The following MBNL2 variants were observed in gnomAD, a reference collection of about 807,000 sequenced individuals.
The protein encoded by MBNL2 is muscleblind like splicing regulator 2.
A neutral mutation model predicts 41.9 loss-of-function variants in MBNL2; 17 were observed. The ratio of observed to expected loss-of-function variants is 0.41; its 90% confidence interval spans 0.28 to 0.61. The LOEUF (loss-of-function observed/expected upper bound fraction) is 0.61, where lower values mean the gene tolerates loss of function less well. Ranked by LOEUF, MBNL2 falls within the 20% of genes least tolerant of loss-of-function variation. The pLI is 0.35. For synonymous variants in MBNL2, 195 were observed against 182.9 expected (o/e 1.07, Z -0.53); for missense variants, 336 against 505.6 (o/e 0.66, Z 3.22).
At chr13:97,224,227 C>T (rs956880771) in intron 1 of MBNL2, among the ~76,000 whole-genome samples, 3 of 152,098 alleles carry the variant, frequency 2.0e-5, no homozygotes, top group African/African-American at 2.4e-5. Context: ...CCCAGTTGCT[C>T]CAGAGCCACT....
At chr13:97,210,614 A>T in the MBNL2 span, among the ~76,000 whole-genome samples, 1 of 91,774 alleles carries the variant, frequency 1.1e-5, no homozygotes, top group Non-Finnish European at 1.9e-5. Flanking sequence ...TTTTTTTGAG[A>T]CAGAATCTCA....
the MBNL2 span, among the ~76,000 whole-genome samples, chr13:97,156,714 G>A: frequency 1.2e-3 from 167 of 144,544 alleles, 1 homozygote; most frequent in Non-Finnish European, 8.2e-4. Context: ...GTAGATATGC[G>A]GCGTTATTTC....
At chr13:97,300,538 G>T (rs2057512360) in intron 2 of MBNL2, among the ~76,000 whole-genome samples, 1 of 152,164 alleles carries the variant, frequency 6.6e-6, no homozygotes, top group African/African-American at 2.4e-5. Context: ...TGGCTCTGCT[G>T]ATCTGACAGG....
intron 2 of MBNL2, among the ~76,000 whole-genome samples, chr13:97,291,910 AAAAAAAAG>A (rs960838275): frequency 8.0e-6 from 1 of 124,974 alleles, no homozygotes; most frequent in Non-Finnish European, 1.7e-5. Flanking sequence ...CAAAAAAAAA[AAAAAAAAG>A]TGGGCTGGGT....
intron 7 of MBNL2, among the ~76,000 whole-genome samples, chr13:97,364,577 CTGT>C (rs1301477237): frequency 6.6e-6 from 1 of 152,230 alleles, no homozygotes; most frequent in Non-Finnish European, 1.5e-5. Context: ...ATCTTAAACA[CTGT>C]TATTTTCATA....
At chr13:97,272,146 T>C (rs1817532448) in intron 1 of MBNL2, among the ~76,000 whole-genome samples, 1 of 152,204 alleles carries the variant, frequency 6.6e-6, no homozygotes, top group Non-Finnish European at 1.5e-5. Flanking sequence ...TATCTCATTG[T>C]GGTTTTGATT....
the MBNL2 span, among the ~76,000 whole-genome samples, chr13:97,142,745 A>G: frequency 1.3e-5 from 2 of 152,228 alleles, no homozygotes; most frequent in South Asian, 4.1e-4. Context: ...ACCCTACCCA[A>G]GGAATTGTAA....
At chr13:97,275,378 G>T (rs556121881) in intron 1 of MBNL2, among the ~76,000 whole-genome samples, 2 of 152,270 alleles carry the variant, frequency 1.3e-5, no homozygotes, top group East Asian at 3.9e-4. Context: ...GTTTCAGAAG[G>T]CCTAATTATT....
intron 1 of MBNL2, among the ~76,000 whole-genome samples, chr13:97,224,936 G>GTAGT (rs1461247617): frequency 2.0e-5 from 3 of 152,224 alleles, no homozygotes; most frequent in Non-Finnish European, 4.4e-5. Flanking sequence ...CACAGGCCTT[G>GTAGT]TAGTGCCCAA....
chr13:97,345,660 GGT>G (rs2061775141), intron 4 of MBNL2, among the ~76,000 whole-genome samples: 1 of 151,574 alleles, frequency 6.6e-6, no homozygotes, highest in Non-Finnish European at 1.5e-5. Flanking sequence ...TGAAAATTTT[GGT>G]GTCTTAGATA....
At chr13:97,309,024 A>T (rs1001411022) in intron 2 of MBNL2, among the ~76,000 whole-genome samples, 2 of 152,190 alleles carry the variant, frequency 1.3e-5, no homozygotes, top group East Asian at 3.9e-4. Flanking sequence ...GTGCAGAAAG[A>T]GCCCATGAGC....
At chr13:97,309,502 C>T (rs990276750) in intron 2 of MBNL2, among the ~76,000 whole-genome samples, 3 of 152,322 alleles carry the variant, frequency 2.0e-5, no homozygotes, top group South Asian at 2.1e-4. Flanking sequence ...TGGCCATCCA[C>T]AGTCAACAAG....
chr13:97,297,260 G>A (rs1216794171), intron 2 of MBNL2, among the ~76,000 whole-genome samples: 2 of 152,162 alleles, frequency 1.3e-5, no homozygotes, highest in African/African-American at 4.8e-5. Flanking sequence ...GGGTTCAGCA[G>A]TGAAGACAAC....
intron 2 of MBNL2, among the ~76,000 whole-genome samples, chr13:97,291,002 G>T (rs2055832584): frequency 6.6e-6 from 1 of 152,140 alleles, no homozygotes; most frequent in Non-Finnish European, 1.5e-5. Flanking sequence ...CAGAAACTGT[G>T]TAGGTGTTTG....
At chr13:97,349,652 C>G (rs918466398) in intron 5 of MBNL2, among the ~76,000 whole-genome samples, 1 of 152,140 alleles carries the variant, frequency 6.6e-6, no homozygotes, top group African/African-American at 2.4e-5. Flanking sequence ...GCCAGCCTCC[C>G]GAGGAGCTGG....
At chr13:97,254,953 C>T (rs1379812368) in intron 1 of MBNL2, among the ~76,000 whole-genome samples, 1 of 152,132 alleles carries the variant, frequency 6.6e-6, no homozygotes, top group African/African-American at 2.4e-5. Context: ...CCATTTCAGG[C>T]ATTTAGATGT....
At chr13:97,216,210 C>T in the MBNL2 span, among the ~76,000 whole-genome samples, 1 of 145,872 alleles carries the variant, frequency 6.9e-6, no homozygotes, top group African/African-American at 2.7e-5. Context: ...CATTTTCAAC[C>T]AACATGTTAA....
chr13:97,297,513 C>T (rs1402981738), intron 2 of MBNL2, among the ~76,000 whole-genome samples: 1 of 152,066 alleles, frequency 6.6e-6, no homozygotes, highest in African/African-American at 2.4e-5. Context: ...AGAGTGGGTA[C>T]CATGGCCATC....
intron 2 of MBNL2, among the ~76,000 whole-genome samples, chr13:97,319,086 G>C (rs551944309): frequency 7.2e-4 from 109 of 152,324 alleles, no homozygotes; most frequent in Middle Eastern, 3.4e-3. Flanking sequence ...CTACAGGCAG[G>C]GTTTTCTGGA....
Sources: allele counts gnomAD v4.1 joint callset (sites outside exome capture counted in the v4.1 genomes callset), GRCh38; gene constraint gnomAD v4.1.1; transcripts MANE v1.5; gene names NCBI Gene and HGNC (gene_info 2026-07-23, HGNC 2026-07-21).